The following ITPRIP variants were observed in gnomAD, a reference collection of about 807,000 sequenced individuals.
ITPRIP encodes inositol 1,4,5-trisphosphate receptor-interacting protein.
ITPRIP carries 32 observed loss-of-function variants against 35.8 expected under a neutral mutation model. The ratio of observed to expected loss-of-function variants is 0.89; its 90% CI spans 0.68 to 1.20. The LOEUF (loss-of-function observed/expected upper bound fraction) is 1.20. Among genes scored for constraint, ITPRIP ranks in the 50% most tolerant of loss-of-function variants. ITPRIP has a pLI of 0.00. For missense variants in ITPRIP, 653 were observed against 735.6 expected (o/e 0.89, Z 1.30); for synonymous variants, 358 against 324.0 (o/e 1.11, Z -1.13).
intron 1 of ITPRIP, among the ~76,000 whole-genome samples, chr10:104,335,018 G>A (rs2014210866): frequency 6.6e-6 from 1 of 152,158 alleles, no homozygotes; most frequent in African/African-American, 2.4e-5. Context: ...TGGAAATTGG[G>A]TTTCTGAGCG....
rs184527731 is a variant in ITPRIP at position 104,331,862 on chromosome 10, T to A, written c.-14+6384A>T. Among the ~76,000 whole-genome samples the A allele has an allele frequency of 3.9e-5, 6 of 152,310 alleles. No homozygotes were observed. In the East Asian group the frequency reaches 5.8e-4, roughly 15 times the overall value. On this transcript the variant is annotated intron_variant, in intron 1 of 1. Transcript: ENST00000337478. The stretch of plus-strand genomic sequence containing the variant: ...CCAAAGCTCACTAGGTCTGCTAATA[T>A]CAGAGTGAGACAGCAGGAAGGGACC...
rs1390822083 is a variant in ITPRIP, at chr10:104,314,138, T to G, written c.*270A>C. On this transcript the variant is annotated 3_prime_UTR_variant, in exon 2 of 2. Transcript: ENST00000337478. ...GCGTGTTCTGCCACCATCTTGGCCA[T>G]TCATGGTGATCCAGAAGTAAACTGC... 1 of 1,238,534 alleles carries G rather than the reference T, an allele frequency of 8.1e-7. No individual in the cohort carries two copies. Among genetic ancestry groups the G allele is most frequent in the African/African-American group, 1.5e-5 (1 of 65,502 alleles). The allele number at this position is 1,238,534 out of a possible 1,614,324, so 76.7% of individuals were successfully genotyped here.
intron 1 of ITPRIP, among the ~76,000 whole-genome samples, chr10:104,329,715 C>T (rs2014110744): frequency 6.6e-6 from 1 of 152,098 alleles, no homozygotes; most frequent in East Asian, 1.9e-4. Flanking sequence ...AGGAGTCAAA[C>T]TCTGGAATCA....
intron 1 of ITPRIP, among the ~76,000 whole-genome samples, chr10:104,334,292 C>G (rs1170114184): frequency 6.6e-6 from 1 of 152,232 alleles, no homozygotes. Context: ...AATGCTTCAC[C>G]CCCTGGCCTA....
At chr10:104,336,494 T>TGGGGG (rs60388927) in intron 1 of ITPRIP, among the ~76,000 whole-genome samples, 2 of 74,606 alleles carry the variant, frequency 2.7e-5, no homozygotes, top group Non-Finnish European at 6.0e-5. Flanking sequence ...TATTTTTTTT[T>TGGGGG]GGGGGGGGGG....
chr10:104,324,060 G>A (rs1030224306), intron 1 of ITPRIP: 5 of 152,770 alleles, frequency 3.3e-5, no homozygotes, highest in African/African-American at 1.2e-4. Context: ...TTGGGAGGAG[G>A]TGGCTGGTGG....
At chr10:104,316,419 C>T (rs998030082) in intron 1 of ITPRIP, among the ~76,000 whole-genome samples, 1 of 152,212 alleles carries the variant, frequency 6.6e-6, no homozygotes, top group Non-Finnish European at 1.5e-5. Context: ...ATCAGACATT[C>T]TGCCGCCCAG....
chr10:104,314,328 G>C lies in ITPRIP; in HGVS notation c.*80C>G. The C allele has an allele frequency of 1.3e-6, 2 of 1,531,798 alleles. No individual in the cohort carries two copies. The highest frequency in any genetic ancestry group is 1.8e-6 in the Non-Finnish European group (2 of 1,140,578). The allele number at this position is 1,531,798 out of a possible 1,614,324, so 94.9% of individuals were successfully genotyped here. A position where few individuals can be genotyped will look rare whatever the true frequency, so the allele number is the denominator to read the frequency against. On this transcript the variant is annotated 3_prime_UTR_variant, in exon 2 of 2. Coordinates refer to ENST00000337478, the MANE Select transcript of ITPRIP (RefSeq NM_001272013.2). ...AAAGCCCGCCTTGTCCCCAGAACAG[G>C]GCTGGCAGATGCCACCAGGGGTGTG...
chr10:104,334,269 G>T (rs980899823), intron 1 of ITPRIP, among the ~76,000 whole-genome samples: 2 of 152,232 alleles, frequency 1.3e-5, no homozygotes, highest in Non-Finnish European at 2.9e-5. Flanking sequence ...GCCGAAGCAG[G>T]CACTGCTTTA....
intron 1 of ITPRIP, among the ~76,000 whole-genome samples, chr10:104,334,409 G>A (rs984302352): frequency 1.6e-4 from 24 of 152,316 alleles, no homozygotes; most frequent in African/African-American, 2.6e-4. Flanking sequence ...CCAGGTTACC[G>A]GATCATCCTC....
At position 104,314,185 on chromosome 10, in the gene ITPRIP, A is replaced by C; in HGVS notation, c.*223T>G. On this transcript the variant is annotated 3_prime_UTR_variant, in exon 2 of 2. Transcript: ENST00000337478. ...CTGCAAGGGATCAGTCCCTAAACCC[A>C]AATAACAGCTTTACCAGCAGATCCC... The C allele has an allele frequency of 7.3e-7, 1 of 1,360,932 alleles. No individual in the cohort carries two copies. The highest frequency in any genetic ancestry group is 9.4e-7 in the Non-Finnish European group (1 of 1,059,284). The allele number at this position is 1,360,932 out of a possible 1,614,324, so 84.3% of individuals were successfully genotyped here.
At chr10:104,327,514 C>T (rs2014050879) in intron 1 of ITPRIP, among the ~76,000 whole-genome samples, 1 of 152,166 alleles carries the variant, frequency 6.6e-6, no homozygotes. Context: ...CTGGCCAAAA[C>T]CCTACCCAAC....
intron 1 of ITPRIP, among the ~76,000 whole-genome samples, chr10:104,337,479 T>G (rs2014259825): frequency 6.6e-6 from 1 of 152,128 alleles, no homozygotes; most frequent in Non-Finnish European, 1.5e-5. Flanking sequence ...ACCTTCCTGG[T>G]CGGTGGCTTT....
chr10:104,333,312 C>T lies in ITPRIP; in HGVS notation c.-14+4934G>A, dbSNP rs1452818257. The T allele has an allele frequency of 1.3e-5, 2 of 152,622 alleles. No homozygotes were observed. The highest frequency in any genetic ancestry group is 2.9e-5 in the Non-Finnish European group (2 of 68,314). The allele number at this position is 152,622 out of a possible 1,614,324, so 9.5% of individuals were successfully genotyped here. ...CACCCTGCCGCTAACTGGGCCCATC[C>T]TCTCCCCAGCCTCTGAGAAACACAC... On this transcript the variant is annotated intron_variant, in intron 1 of 1. Transcript: ENST00000337478. This position sits in a 1 kb window ranked among gnomAD's most constrained non-coding sequence, Gnocchi z 4.1.
rs555248073 is a variant in ITPRIP at position 104,334,328 on chromosome 10, C to A, written c.-14+3918G>T. ...CGCAGGGGATGCAACAACTGGCCAGCCTTGGCCCAGCCTCCATGCTGATTG... is the reference window on the plus strand; with the variant it reads ...CGCAGGGGATGCAACAACTGGCCAGACTTGGCCCAGCCTCCATGCTGATTG... On this transcript the variant is annotated intron_variant, in intron 1 of 1. Transcript: ENST00000337478. 5.3e-5 allele frequency among the ~76,000 whole-genome samples: 8 copies of A among 152,362 alleles called. No individual in the cohort carries two copies. In the South Asian group the frequency reaches 1.7e-3, roughly 32 times the overall value.
chr10:104,335,225 C>G (rs897410538), intron 1 of ITPRIP, among the ~76,000 whole-genome samples: 7 of 152,188 alleles, frequency 4.6e-5, no homozygotes, highest in African/African-American at 1.7e-4. Flanking sequence ...AAGCGCTCAG[C>G]TGTACGGTGT....
chr10:104,313,983 G>A lies in ITPRIP; in HGVS notation c.*425C>T. On this transcript the variant is annotated 3_prime_UTR_variant, in exon 2 of 2. Coordinates refer to ENST00000337478, the MANE Select transcript of ITPRIP (RefSeq NM_001272013.2). ...GAAGCTCCTGGGAATAGGGGTGCTG[G>A]GTCTTAACACGGTTCCCTGTCAGCA... The A allele has an allele frequency of 1.0e-6, 1 of 996,998 alleles. No homozygotes were observed. Among genetic ancestry groups the A allele is most frequent in the South Asian group, 4.4e-5 (1 of 22,512 alleles). 61.8% of individuals were successfully genotyped at this position (996,998 alleles called of 1,614,324 possible). A position where few individuals can be genotyped will look rare whatever the true frequency, so the allele number is the denominator to read the frequency against.
Position 104,328,157 on chromosome 10 carries a change from G to T in ITPRIP, c.-14+10089C>A. ...TGCCTCTCCCACAGCCAGCCTGCAG[G>T]GGAAGGTCTCCCTCAGCCTCCAGGA... On this transcript the variant is annotated intron_variant, in intron 1 of 1. Coordinates refer to ENST00000337478, the MANE Select transcript of ITPRIP (RefSeq NM_001272013.2). This position sits in a 1 kb window ranked among gnomAD's most constrained non-coding sequence, Gnocchi z 4.1. 3 of 910,826 alleles carry T rather than the reference G, an allele frequency of 3.3e-6. No homozygotes were observed. The allele number at this position is 910,826 out of a possible 1,614,324, so 56.4% of individuals were successfully genotyped here. A position where few individuals can be genotyped will look rare whatever the true frequency, so the allele number is the denominator to read the frequency against.
chr10:104,310,755 G>A lies in ITPRIP; in HGVS notation c.*3653C>T, dbSNP rs914780100. On this transcript the variant is annotated 3_prime_UTR_variant, in exon 2 of 2. Transcript: ENST00000337478. ...GGCTGGAATGTCTTTCCTGGCCACA[G>A]TCCTGGTCATTTTTCAGAGTCTCTA... 2 of 152,062 alleles carry A rather than the reference G, an allele frequency of 1.3e-5. No individual in the cohort carries two copies. Among genetic ancestry groups the A allele is most frequent in the African/African-American group, 4.8e-5 (2 of 41,376 alleles). 9.4% of individuals were successfully genotyped at this position (152,062 alleles called of 1,614,324 possible).
Sources: allele counts gnomAD v4.1 joint callset (sites outside exome capture counted in the v4.1 genomes callset), GRCh38; gene constraint gnomAD v4.1.1; non-coding constraint Gnocchi (gnomAD v3.1); transcripts MANE v1.5; gene names NCBI Gene and HGNC (gene_info 2026-07-23, HGNC 2026-07-21).